AVEN: variants seen among roughly 807,000 people sequenced by gnomAD.
AVEN encodes cell death regulator Aven.
AVEN carries 41 observed loss-of-function variants against 38.1 expected under a neutral mutation model. The observed-to-expected ratio is 1.08, with a 90% CI of 0.84 to 1.40. AVEN has a LOEUF of 1.40. Ranked by LOEUF, AVEN falls within the 40% of genes most tolerant of loss-of-function variation. The pLI is 0.00. For missense variants in AVEN, 605 were observed against 438.8 expected (o/e 1.38, Z -3.38); for synonymous variants, 206 against 171.8 (o/e 1.20, Z -1.56).
intron 2 of AVEN, among the ~76,000 whole-genome samples, chr15:33,949,810 T>C (rs997205102): frequency 6.7e-6 from 1 of 149,640 alleles, no homozygotes; most frequent in African/African-American, 2.5e-5. Flanking sequence ...CAGATGGAGG[T>C]TCCTCAAAAT....
At chr15:34,069,915 C>G (rs922906052) in intron 2 of AVEN, among the ~76,000 whole-genome samples, 1 of 152,140 alleles carries the variant, frequency 6.6e-6, no homozygotes, top group Non-Finnish European at 1.5e-5. Flanking sequence ...AAGATACACT[C>G]AGAGAAGTGT....
At chr15:33,868,154 C>G (rs1430851708) in intron 4 of AVEN, among the ~76,000 whole-genome samples, 2 of 152,192 alleles carry the variant, frequency 1.3e-5, no homozygotes, top group Non-Finnish European at 2.9e-5. Context: ...TAGCCCTGGC[C>G]TGAAAACTGC....
At chr15:33,972,383 C>A (rs1895675296) in intron 2 of AVEN, 2 of 151,934 alleles carry the variant, frequency 1.3e-5, no homozygotes, top group South Asian at 4.1e-4. Context: ...AGAAAGAGAT[C>A]CCTAAATATA....
chr15:33,870,828 T>A, intron 4 of AVEN, 107 bp downstream of exon 4: 1 of 745,634 alleles, frequency 1.3e-6, no homozygotes, highest in Admixed American at 3.3e-5. Flanking sequence ...AACCCTCACT[T>A]TTATAAAGGG....
chr15:34,056,671 T>A (rs541846814), intron 5 of AVEN, among the ~76,000 whole-genome samples: 26 of 152,288 alleles, frequency 1.7e-4, no homozygotes, highest in African/African-American at 5.1e-4. Flanking sequence ...CTCAAGGTTG[T>A]TCTGCTTGAA....
At chr15:33,911,884 C>T (rs921688402) in intron 2 of AVEN, among the ~76,000 whole-genome samples, 2 of 152,114 alleles carry the variant, frequency 1.3e-5, no homozygotes, top group Non-Finnish European at 2.9e-5. Context: ...AGAAGAACTT[C>T]CAGAGAGAGA....
chr15:33,973,640 G>A (rs949227970), intron 2 of AVEN, among the ~76,000 whole-genome samples: 1 of 152,038 alleles, frequency 6.6e-6, no homozygotes, highest in Non-Finnish European at 1.5e-5. Context: ...CCAGGAGTTC[G>A]AGACCCACCT....
At chr15:33,853,513 G>T in the AVEN span, 1 of 1,598,616 alleles carries the variant, frequency 6.3e-7, no homozygotes, top group Non-Finnish European at 8.5e-7. Context: ...ATATTTGGTG[G>T]TGGCGTGTGG....
chr15:33,886,629 C>T (rs986686410), intron 2 of AVEN, among the ~76,000 whole-genome samples: 1 of 152,180 alleles, frequency 6.6e-6, no homozygotes, highest in African/African-American at 2.4e-5. Flanking sequence ...CTCTCTCCTG[C>T]CACCTTGTGA....
chr15:34,017,133 G>GA (rs1897953891), intron 1 of AVEN, among the ~76,000 whole-genome samples: 5 of 150,092 alleles, frequency 3.3e-5, no homozygotes, highest in South Asian at 2.1e-4. Context: ...GTCTCAAGGG[G>GA]GAAAAAAAAA....
At position 33,866,731 on chromosome 15, in the gene AVEN, G is replaced by A. The variant is rs779582733; in HGVS notation, c.974-3C>T. 1 of 1,604,490 alleles carries A rather than the reference G, an allele frequency of 6.2e-7. No homozygotes were observed. The highest frequency in any genetic ancestry group is 1.1e-5 in the South Asian group (1 of 90,308). ...AGTCACAGATGGTTTTGCACAAACT[G>A]GGGGAAAAAAAACAATGTTAACACC... On this transcript the variant is annotated splice_region_variant and splice_polypyrimidine_tract_variant and intron_variant, in intron 5 of 5. Coordinates refer to ENST00000306730, the MANE Select transcript of AVEN (RefSeq NM_020371.3).
chr15:33,853,411 CTCT>C, the AVEN span: 63 of 1,097,912 alleles, frequency 5.7e-5, no homozygotes, highest in African/African-American at 9.0e-4. Flanking sequence ...TCTGGGTTTT[CTCT>C]TTTTTCTGCA....
At chr15:34,055,819 TA>T (rs1900125687) in intron 5 of AVEN, among the ~76,000 whole-genome samples, 1 of 151,988 alleles carries the variant, frequency 6.6e-6, no homozygotes, top group Non-Finnish European at 1.5e-5. Context: ...AATAAATAAA[TA>T]AATAAAAATA....
chr15:34,037,894 A>G (rs1899223784), intron 1 of AVEN, among the ~76,000 whole-genome samples: 1 of 152,194 alleles, frequency 6.6e-6, no homozygotes, highest in Non-Finnish European at 1.5e-5. Context: ...AATTTTTTAA[A>G]TCAGTGTGCA....
chr15:33,929,269 G>A (rs1893748673), intron 2 of AVEN, among the ~76,000 whole-genome samples: 1 of 152,194 alleles, frequency 6.6e-6, no homozygotes, highest in African/African-American at 2.4e-5. Flanking sequence ...TCCATGGTAA[G>A]TATGCTGACT....
At chr15:33,891,763 T>C (rs1356624790) in intron 2 of AVEN, among the ~76,000 whole-genome samples, 1 of 152,194 alleles carries the variant, frequency 6.6e-6, no homozygotes, top group Non-Finnish European at 1.5e-5. Flanking sequence ...GATGGCTGGG[T>C]CAAATGGTAT....
chr15:33,884,837 G>C lies in AVEN; in HGVS notation c.446-8842C>G, dbSNP rs79450693. ...GCATATGTGAAGAGTGAATGTGAAA[G>C]ATGGAAAATCTTCCCAAGCCTACCA... On this transcript the variant is annotated intron_variant, in intron 2 of 5. Transcript: ENST00000306730. Among the ~76,000 whole-genome samples the C allele has an allele frequency of 4.9e-4, 75 of 152,304 alleles. No individual in the cohort carries two copies. In the East Asian group the frequency reaches 0.011, roughly 23 times the overall value.
intron 2 of AVEN, among the ~76,000 whole-genome samples, chr15:34,069,092 T>C (rs1597398583): frequency 6.6e-6 from 1 of 151,242 alleles, no homozygotes; most frequent in South Asian, 2.1e-4. Context: ...ATTACAGGAG[T>C]GAGCCACCGC....
At chr15:33,967,629 T>A (rs774328721) in intron 2 of AVEN, among the ~76,000 whole-genome samples, 1 of 151,966 alleles carries the variant, frequency 6.6e-6, no homozygotes, top group Admixed American at 6.6e-5. Context: ...AAAAACATTA[T>A]ATTGTCTAGA....
Sources: allele counts gnomAD v4.1 joint callset (sites outside exome capture counted in the v4.1 genomes callset), GRCh38; gene constraint gnomAD v4.1.1; transcripts MANE v1.5; gene names NCBI Gene and HGNC (gene_info 2026-07-23, HGNC 2026-07-21).